Variants in PDLIM1 observed in about 807,000 individuals in gnomAD.
PDLIM1 encodes PDZ and LIM domain 1.
Under a neutral mutation model 35.2 loss-of-function variants are expected in PDLIM1, and 25 were observed. That is an observed-to-expected ratio of 0.71 (90% CI 0.52 to 0.99). The LOEUF is 0.99. Ranked by LOEUF, PDLIM1 falls within the 50% of genes least tolerant of loss-of-function variation. The pLI is 0.00. For missense variants in PDLIM1, 363 were observed against 415.3 expected, an observed-to-expected ratio of 0.87 and a Z score of 1.09; for synonymous variants, 152 against 154.0, an observed-to-expected ratio of 0.99 and a Z score of 0.10.
At chr10:95,289,597 C>T (rs1306100867) in intron 1 of PDLIM1, among the ~76,000 whole-genome samples, 1 of 152,180 alleles carries the variant, frequency 6.6e-6, no homozygotes, top group African/African-American at 2.4e-5. Context: ...CAATTCTTCT[C>T]CTGCACCTCC....
In PDLIM1 at chr10:95,263,864, G is replaced by T. The variant is rs1222089796; in HGVS notation, c.533C>A (p.Pro178His). ...AASGVEANSR[P>H]LDHAQPPSSL... ...AGAGGAGGACTCCTGGGCTACTTAC[G>T]GTCTGCTGTTCGCCTCCACCCCGCT... The change falls in exon 4 of 7, where the codon CCC (proline) becomes CAC (histidine). Residue 178 changes from proline (P) to histidine (H), a missense_variant and splice_region_variant. Pro to His is a moderately conservative substitution (Grantham distance 77, BLOSUM62 -2). Coordinates refer to ENST00000329399, the MANE Select transcript of PDLIM1 (RefSeq NM_020992.4). 2 of 1,609,154 alleles carry T rather than the reference G, an allele frequency of 1.2e-6. No individual in the cohort carries two copies. Among genetic ancestry groups the T allele is most frequent in the Non-Finnish European group, 1.7e-6 (2 of 1,177,480 alleles).
At chr10:95,289,011 A>C (rs2035627225) in intron 1 of PDLIM1, among the ~76,000 whole-genome samples, 1 of 152,264 alleles carries the variant, frequency 6.6e-6, no homozygotes, top group East Asian at 1.9e-4. Context: ...ATGAATTCAC[A>C]GTGTGGTGTT....
At chr10:95,268,964 G>C in intron 2 of PDLIM1, 102 bp from the exon 3 acceptor site, 1 of 769,682 alleles carries the variant, frequency 1.3e-6, no homozygotes, top group Admixed American at 2.0e-5. Context: ...ACTAGGCACT[G>C]AACTAGCACC....
chr10:95,245,459 C>T (rs923557773), intron 5 of PDLIM1, among the ~76,000 whole-genome samples: 2 of 152,212 alleles, frequency 1.3e-5, no homozygotes, highest in Non-Finnish European at 2.9e-5. Flanking sequence ...TCAGGTCCTT[C>T]TCTGTGAGCT....
In PDLIM1 at chr10:95,267,965, C is replaced by T. The variant is rs45446699; in HGVS notation, c.333+813G>A. 2.4e-4 allele frequency among the ~76,000 whole-genome samples: 36 copies of T among 152,282 alleles called. 1 individual carries two copies. The highest frequency in any genetic ancestry group is 2.4e-3 in the Admixed American group (36 of 15,298). On this transcript the variant is annotated intron_variant, in intron 3 of 6. Transcript: ENST00000329399. ...CATTAATGTATCCAACAGACACATA[C>T]TTTGAGACAAGTAGCATGTTGGGTG...
chr10:95,257,038 G>GAAAGAAAGAAAGAAAGAATT (rs1440640324), intron 4 of PDLIM1, among the ~76,000 whole-genome samples: 1 of 129,772 alleles, frequency 7.7e-6, no homozygotes, highest in Non-Finnish European at 1.6e-5. Context: ...AAGAAAGAAA[G>GAAAGAAAGAAAGAAAGAATT]AATTCAAAAT....
intron 1 of PDLIM1, among the ~76,000 whole-genome samples, chr10:95,274,344 T>C (rs1306435178): frequency 2.7e-5 from 4 of 147,814 alleles, no homozygotes; most frequent in Non-Finnish European, 3.0e-5. Context: ...ACCAGGTTGG[T>C]GTACAGTGGC....
chr10:95,280,315 C>T (rs1294088876), intron 1 of PDLIM1, among the ~76,000 whole-genome samples: 1 of 152,112 alleles, frequency 6.6e-6, no homozygotes, highest in Non-Finnish European at 1.5e-5. Context: ...GCAGAGGTTG[C>T]AATGAGCCAA....
intron 2 of PDLIM1, among the ~76,000 whole-genome samples, chr10:95,270,320 G>A (rs1378475456): frequency 6.6e-6 from 1 of 151,396 alleles, no homozygotes; most frequent in Non-Finnish European, 1.5e-5. Context: ...CCACCTGCCA[G>A]TCCTGTGCCA....
intron 4 of PDLIM1, among the ~76,000 whole-genome samples, chr10:95,250,353 TAA>T (rs756885820): frequency 4.3e-5 from 6 of 138,224 alleles, no homozygotes; most frequent in African/African-American, 1.3e-4. Context: ...TTCTATAATT[TAA>T]AAAAAAAAAA....
intron 4 of PDLIM1, among the ~76,000 whole-genome samples, chr10:95,256,250 C>G (rs1224332803): frequency 1.3e-5 from 2 of 152,072 alleles, no homozygotes; most frequent in Non-Finnish European, 2.9e-5. Context: ...AGACCTAAGA[C>G]TGTTAAAATA....
At chr10:95,244,843 T>C (rs1221652988) in intron 5 of PDLIM1, among the ~76,000 whole-genome samples, 2 of 152,044 alleles carry the variant, frequency 1.3e-5, no homozygotes, top group Non-Finnish European at 2.9e-5. Flanking sequence ...GAGGTAGCAG[T>C]GAGCCGAGAT....
chr10:95,286,849 G>A (rs2035605983), intron 1 of PDLIM1, among the ~76,000 whole-genome samples: 1 of 152,204 alleles, frequency 6.6e-6, no homozygotes, highest in African/African-American at 2.4e-5. Context: ...CATGGCCTAA[G>A]AATGTGCCAG....
At chr10:95,260,721 CCA>C (rs1263066755) in intron 4 of PDLIM1, among the ~76,000 whole-genome samples, 2 of 152,278 alleles carry the variant, frequency 1.3e-5, no homozygotes, top group Middle Eastern at 3.4e-3. Context: ...AGGGCAAGCC[CCA>C]GAGAATGGGT....
Position 95,257,064 on chromosome 10 carries a change from A to G in PDLIM1, c.533+6800T>C, listed in dbSNP as rs570633438. ...AATTCAAAATAGATTAAAGACCAAC[A>G]TAAGACCAGAAACTATAAATATAAA... On this transcript the variant is annotated intron_variant, in intron 4 of 6. Coordinates refer to ENST00000329399, the MANE Select transcript of PDLIM1 (RefSeq NM_020992.4). 4.7e-5 allele frequency among the ~76,000 whole-genome samples: 7 copies of G among 150,086 alleles called. No individual in the cohort carries two copies. The East Asian group carries it at 1.2e-3, about 25-fold the overall frequency.
At chr10:95,240,434 T>TCCCACTTACATTCATCATTCA (rs2035168411) in intron 5 of PDLIM1, among the ~76,000 whole-genome samples, 1 of 152,128 alleles carries the variant, frequency 6.6e-6, no homozygotes, top group Non-Finnish European at 1.5e-5. Flanking sequence ...AAGTGGGAGC[T>TCCCACTTACATTCATCATTCA]GAATGATGAG....
intron 3 of PDLIM1, among the ~76,000 whole-genome samples, chr10:95,267,756 ATAGC>A (rs890708681): frequency 6.6e-6 from 1 of 152,232 alleles, no homozygotes; most frequent in Admixed American, 6.5e-5. Context: ...TGTATAAAAG[ATAGC>A]TAGCTATATA....
intron 1 of PDLIM1, among the ~76,000 whole-genome samples, chr10:95,283,040 T>C (rs1308128202): frequency 6.6e-6 from 1 of 152,190 alleles, no homozygotes; most frequent in African/African-American, 2.4e-5. Flanking sequence ...ACCCAAAGCC[T>C]AAACACTCAC....
chr10:95,290,451 G>A lies in PDLIM1; in HGVS notation c.96+369C>T, dbSNP rs2035643135. ...TTGCGTTCGGCTGCACTGCGATCTG[G>A]GAAGAAGGGAGAAGTGCCATCTCCC... On this transcript the variant is annotated intron_variant, in intron 1 of 6. Coordinates refer to ENST00000329399, the MANE Select transcript of PDLIM1 (RefSeq NM_020992.4). This position sits in a 1 kb window ranked among gnomAD's most constrained non-coding sequence, Gnocchi z 4.7. Among the ~76,000 whole-genome samples the A allele has an allele frequency of 6.6e-6, 1 of 151,904 alleles. No homozygotes were observed. The highest frequency in any genetic ancestry group is 2.1e-4 in the South Asian group (1 of 4,812).
Sources: gnomAD v4.1 joint callset for allele counts (sites outside exome capture counted in the v4.1 genomes callset) on GRCh38, gnomAD v4.1.1 for gene constraint, Gnocchi (gnomAD v3.1) non-coding constraint, MANE v1.5 for transcripts, NCBI Gene and HGNC (gene_info 2026-07-23, HGNC 2026-07-21) for gene names.